Variants in GRSF1 observed in about 807,000 individuals in gnomAD.
The protein encoded by GRSF1 is G-rich RNA sequence binding factor 1, also known as G-rich sequence factor 1.
In GRSF1, 50 loss-of-function variants were observed where a neutral mutation model predicts 51.1. The observed-to-expected ratio is 0.98, with a 90% CI of 0.78 to 1.24. The LOEUF is 1.24. GRSF1 is among the 50% of genes most tolerant of loss of function. The pLI, the probability that GRSF1 is intolerant of heterozygous loss-of-function variation, is 0.00. For synonymous variants in GRSF1, 293 were observed against 253.3 expected (o/e 1.16, Z -1.49); for missense variants, 700 against 639.7 (o/e 1.09, Z -1.02).
At position 70,817,640 on chromosome 4, in the gene GRSF1, A is replaced by C. The variant is rs1217232002; in HGVS notation, c.*3247T>G. 6.6e-6 allele frequency: 1 copy of C among 152,198 alleles called. No homozygotes were observed. The highest frequency in any genetic ancestry group is 1.5e-5 in the Non-Finnish European group (1 of 68,036). 9.4% of individuals were successfully genotyped at this position (152,198 alleles called of 1,614,324 possible). The stretch of plus-strand genomic sequence containing the variant: ...TCACCAAATACTAATGAGGGTGAGG[A>C]GCTACAGGAACTCTTATTCATTGTC... On this transcript the variant is annotated 3_prime_UTR_variant, in exon 10 of 10. Coordinates refer to ENST00000254799, the MANE Select transcript of GRSF1 (RefSeq NM_002092.4).
Position 70,839,555 on chromosome 4 carries a change from G to GGCGGCC in GRSF1, c.267_272dup (p.Ala91_Ala92dup). 127 of 1,423,942 alleles carry GGCGGCC rather than the reference G, an allele frequency of 8.9e-5. No individual in the cohort carries two copies. The highest frequency in any genetic ancestry group is 1.1e-4 in the Non-Finnish European group (117 of 1,091,604). 88.2% of individuals were successfully genotyped at this position (1,423,942 alleles called of 1,614,324 possible). ...AGGCACGGAGGGCAGAGTAGGACGC[G>GGCGGCC]GCGGCCGCGGCCGCGGCAGAGGTGG... is the stretch of plus-strand genomic sequence containing the variant. On this transcript the variant is annotated inframe_insertion, in exon 1 of 10. Coordinates refer to ENST00000254799, the MANE Select transcript of GRSF1 (RefSeq NM_002092.4).
chr4:70,834,696 A>ACTG (rs1734121925), intron 2 of GRSF1, among the ~76,000 whole-genome samples: 1 of 152,134 alleles, frequency 6.6e-6, no homozygotes, highest in Non-Finnish European at 1.5e-5. Context: ...AACTCAGCTC[A>ACTG]CTGCAACCTC....
intron 5 of GRSF1, 75 bp downstream of exon 5, chr4:70,831,463 CA>C: frequency 7.8e-7 from 1 of 1,283,766 alleles, no homozygotes. Flanking sequence ...GATAACTTTT[CA>C]GTCATATTAC....
intron 5 of GRSF1, 32 bp downstream of exon 5, chr4:70,831,507 A>G (rs756066584): frequency 1.3e-6 from 2 of 1,591,288 alleles, no homozygotes; most frequent in Admixed American, 1.7e-5. Context: ...AATGTGTAAC[A>G]CTTCTGCATC....
At chr4:70,833,598 TAA>T (rs1734070732) in intron 2 of GRSF1, among the ~76,000 whole-genome samples, 3 of 152,228 alleles carry the variant, frequency 2.0e-5, no homozygotes, top group African/African-American at 7.2e-5. Context: ...ACAATATAGT[TAA>T]ATTTATACAT....
chr4:70,832,797 A>T (rs1734036604), intron 3 of GRSF1, among the ~76,000 whole-genome samples: 1 of 152,114 alleles, frequency 6.6e-6, no homozygotes, highest in Non-Finnish European at 1.5e-5. Context: ...AAAATACAAA[A>T]ATTAGCTGGG....
chr4:70,831,023 C>A (rs889993732), intron 5 of GRSF1, among the ~76,000 whole-genome samples: 1 of 152,126 alleles, frequency 6.6e-6, no homozygotes. Flanking sequence ...GTTAATCTAG[C>A]TGCTCTAGGT....
chr4:70,838,315 GTCA>G (rs1335069711), intron 1 of GRSF1, among the ~76,000 whole-genome samples: 2 of 151,236 alleles, frequency 1.3e-5, no homozygotes. Context: ...TATCACCGCA[GTCA>G]ATTTCATAGA....
Position 70,839,038 on chromosome 4 carries a change from G to A in GRSF1, c.357+433C>T, listed in dbSNP as rs531287277. 17 of 930,808 alleles carry A rather than the reference G, an allele frequency of 1.8e-5. No homozygotes were observed. In the South Asian group the frequency reaches 2.1e-4, roughly 11 times the overall value. 57.7% of individuals were successfully genotyped at this position (930,808 alleles called of 1,614,324 possible). ...CAGCAGCGGCCGACCGAGAGGCGCC[G>A]AGGGCCGCCCAGGCCTAGCGCTCGG... On this transcript the variant is annotated intron_variant, in intron 1 of 9. Coordinates refer to ENST00000254799, the MANE Select transcript of GRSF1 (RefSeq NM_002092.4).
Position 70,824,374 on chromosome 4 carries a change from GATA to G in GRSF1, c.1394-9_1394-7del. 2.1e-6 allele frequency: 3 copies of G among 1,410,434 alleles called. No homozygotes were observed. The highest frequency in any genetic ancestry group is 3.0e-6 in the Non-Finnish European group (3 of 1,009,394). The allele number at this position is 1,410,434 out of a possible 1,614,324, so 87.4% of individuals were successfully genotyped here. ...CAGTTCAATATACCTATGATCTGAG[GATA>G]ATGAGAAAGATTAGTTTTAAAAAGT... On this transcript the variant is annotated splice_region_variant and splice_polypyrimidine_tract_variant and intron_variant, in intron 8 of 9. Coordinates refer to ENST00000254799, the MANE Select transcript of GRSF1 (RefSeq NM_002092.4).
Position 70,816,338 on chromosome 4 carries a change from C to T in GRSF1, c.*4549G>A, listed in dbSNP as rs1373648154. The T allele has an allele frequency of 9.8e-6, 1 of 101,790 alleles. No homozygotes were observed. The highest frequency in any genetic ancestry group is 2.7e-4 in the East Asian group (1 of 3,708). 6.3% of individuals were successfully genotyped at this position (101,790 alleles called of 1,614,324 possible). Reference sequence around the variant, plus strand: ...GCACTCTAGCCTGGGCGATACAAGACTCCATCTCAAAAAAAAAAAAAAAAA... The same window carrying T: ...GCACTCTAGCCTGGGCGATACAAGATTCCATCTCAAAAAAAAAAAAAAAAA... On this transcript the variant is annotated 3_prime_UTR_variant, in exon 10 of 10. Transcript: ENST00000254799.
chr4:70,839,409 G>A (rs929214408), intron 1 of GRSF1, 62 bp downstream of exon 1: 31 of 1,507,072 alleles, frequency 2.1e-5, no homozygotes, highest in Middle Eastern at 1.8e-4. Context: ...GGAGGGGCGC[G>A]GGGGCGCGTG....
chr4:70,826,301 C>A (rs1560595821), intron 6 of GRSF1, 56 bp from the exon 7 acceptor site: 2 of 1,458,148 alleles, frequency 1.4e-6, no homozygotes, highest in Non-Finnish European at 9.3e-7. Flanking sequence ...GGGTTATTAA[C>A]AGATTCTAAT....
intron 9 of GRSF1, among the ~76,000 whole-genome samples, chr4:70,821,292 G>A (rs1473318736): frequency 2.6e-5 from 4 of 152,156 alleles, no homozygotes; most frequent in Admixed American, 1.3e-4. Flanking sequence ...GGGTGTGGTG[G>A]CGCATGCCTG....
intron 4 of GRSF1, among the ~76,000 whole-genome samples, 165 bp from the exon 5 acceptor site, chr4:70,831,839 C>A (rs1469818915): frequency 6.6e-6 from 1 of 151,786 alleles, no homozygotes; most frequent in Non-Finnish European, 1.5e-5. Context: ...TCAGTCAACA[C>A]CTACATACTT....
chr4:70,832,242 A>C (rs1466215529), intron 4 of GRSF1, 65 bp downstream of exon 4: 29 of 1,394,372 alleles, frequency 2.1e-5, no homozygotes, highest in Non-Finnish European at 2.8e-5. Flanking sequence ...CTCATCTAAG[A>C]TATAGAAGGA....
At chr4:70,835,082 AT>A (rs1277012503) in intron 2 of GRSF1, among the ~76,000 whole-genome samples, 2 of 152,046 alleles carry the variant, frequency 1.3e-5, no homozygotes, top group East Asian at 3.9e-4. Context: ...GCTTAGGATA[AT>A]GGTCTCCAGC....
intron 5 of GRSF1, among the ~76,000 whole-genome samples, chr4:70,829,482 C>T (rs999439026): frequency 6.6e-6 from 1 of 151,884 alleles, no homozygotes; most frequent in African/African-American, 2.4e-5. Context: ...ATGCAAAACC[C>T]CGTCTCTACA....
chr4:70,836,521 A>T (rs776776012), intron 1 of GRSF1, among the ~76,000 whole-genome samples: 1 of 152,162 alleles, frequency 6.6e-6, no homozygotes, highest in Non-Finnish European at 1.5e-5. Flanking sequence ...AAGGTTTGGC[A>T]GGACACAAAT....
Sources: gnomAD v4.1 joint callset for allele counts (sites outside exome capture counted in the v4.1 genomes callset) on GRCh38, gnomAD v4.1.1 for gene constraint, MANE v1.5 for transcripts, NCBI Gene and HGNC (gene_info 2026-07-23, HGNC 2026-07-21) for gene names.